NAA25: variants seen among roughly 807,000 people sequenced by gnomAD.
NAA25 encodes the protein N-terminal acetyltransferase B complex subunit NAA25.
A neutral mutation model predicts 132.5 loss-of-function variants in NAA25; 30 were observed. That is an observed-to-expected ratio of 0.23 (90% CI 0.17 to 0.31). The LOEUF (loss-of-function observed/expected upper bound fraction) is 0.31, where lower values mean the gene tolerates loss of function less well. Ranked by LOEUF, NAA25 falls within the 10% of genes least tolerant of loss-of-function variation. The pLI is 1.00. For missense variants in NAA25, 771 were observed against 1,150.4 expected (o/e 0.67, Z 4.77); for synonymous variants, 359 against 401.9 (o/e 0.89, Z 1.28).
intron 19 of NAA25, 130 bp downstream of exon 19, chr12:112,042,958 C>T (rs1375373179): frequency 1.3e-6 from 1 of 799,058 alleles, no homozygotes; most frequent in Non-Finnish European, 1.9e-6. Flanking sequence ...TACACTACAC[C>T]ACACATTTGC....
chr12:112,082,866 G>A (rs1406082825), intron 4 of NAA25, among the ~76,000 whole-genome samples: 1 of 152,038 alleles, frequency 6.6e-6, no homozygotes, highest in African/African-American at 2.4e-5. Flanking sequence ...ATGTATCAAC[G>A]CGAAGTAGGA....
chr12:112,101,823 T>C (rs1047132412), intron 1 of NAA25, among the ~76,000 whole-genome samples: 6 of 151,688 alleles, frequency 4.0e-5, no homozygotes, highest in Non-Finnish European at 7.4e-5. Context: ...GAACCAGTGA[T>C]TAGTGATGGC....
intron 1 of NAA25, among the ~76,000 whole-genome samples, chr12:112,102,123 G>A (rs1033045501): frequency 7.2e-5 from 11 of 151,932 alleles, no homozygotes; most frequent in Admixed American, 5.2e-4. Flanking sequence ...CCCAGGAGGC[G>A]GAGGTTGCAG....
chr12:112,047,648 G>A lies in NAA25; in HGVS notation c.2006+17C>T. 1 of 1,606,050 alleles carries A rather than the reference G, an allele frequency of 6.2e-7. No homozygotes were observed. The highest frequency in any genetic ancestry group is 8.5e-7 in the Non-Finnish European group (1 of 1,177,924). ...AACAAAAACTTTAAAAATTGCTTGG[G>A]GTTAAATTCCAGTTACCTGTCTTTT... On this transcript the variant is annotated intron_variant, in intron 17 of 23. Transcript: ENST00000261745.
chr12:112,042,937 G>A, intron 19 of NAA25, 151 bp downstream of exon 19: 1 of 587,006 alleles, frequency 1.7e-6, no homozygotes, highest in Non-Finnish European at 2.8e-6. Flanking sequence ...ACCTACGACT[G>A]TACCCTCTCA....
chr12:112,069,171 T>TC, intron 10 of NAA25, 179 bp from the exon 11 acceptor site: 2 of 550,014 alleles, frequency 3.6e-6, no homozygotes, highest in South Asian at 2.1e-5. Context: ...ATTGTTCTAC[T>TC]CTTTCCCCCT....
At chr12:112,086,051 A>AATAT (rs1555238696) in intron 4 of NAA25, among the ~76,000 whole-genome samples, 13,346 of 37,216 alleles carry the variant, frequency 0.36, 2,682 homozygotes, top group Non-Finnish European at 0.4. Flanking sequence ...AAAAAAAAAA[A>AATAT]ATATATATAT....
intron 1 of NAA25, among the ~76,000 whole-genome samples, chr12:112,106,675 G>C (rs1244649474): frequency 1.3e-5 from 2 of 151,636 alleles, no homozygotes; most frequent in Non-Finnish European, 2.9e-5. Context: ...GGTGAGCCTG[G>C]GCCAGGCACA....
chr12:112,041,727 CTA>C (rs1479323611), intron 20 of NAA25, among the ~76,000 whole-genome samples: 1 of 151,962 alleles, frequency 6.6e-6, no homozygotes, highest in Admixed American at 6.6e-5. Flanking sequence ...TAATACAATA[CTA>C]TAGAATATTA....
chr12:112,104,669 T>C (rs2079336701), intron 1 of NAA25, among the ~76,000 whole-genome samples: 1 of 151,952 alleles, frequency 6.6e-6, no homozygotes, highest in African/African-American at 2.4e-5. Flanking sequence ...ATCCTGTCTC[T>C]ACTAAAAATA....
At chr12:112,078,559 T>C in intron 6 of NAA25, 75 bp downstream of exon 6, 3 of 1,314,360 alleles carry the variant, frequency 2.3e-6, no homozygotes, top group Non-Finnish European at 3.3e-6. Flanking sequence ...AAAACAACAG[T>C]TCATAGTATT....
chr12:112,092,054 C>A (rs1403480518), intron 2 of NAA25, among the ~76,000 whole-genome samples: 1 of 152,002 alleles, frequency 6.6e-6, no homozygotes, highest in African/African-American at 2.4e-5. Flanking sequence ...TCCTGGCTAA[C>A]ACGGTGAAAC....
At chr12:112,066,104 G>A (rs902279453) in intron 11 of NAA25, among the ~76,000 whole-genome samples, 1 of 152,080 alleles carries the variant, frequency 6.6e-6, no homozygotes, top group Non-Finnish European at 1.5e-5. Context: ...TTACTATGTG[G>A]GATCACATGA....
chr12:112,069,216 A>T (rs747427797), intron 10 of NAA25: 35 of 434,154 alleles, frequency 8.1e-5, no homozygotes, highest in Non-Finnish European at 1.3e-4. Context: ...TTTAAAAGAT[A>T]AAAAAATAGG....
intron 17 of NAA25, among the ~76,000 whole-genome samples, chr12:112,045,390 G>A (rs1225117469): frequency 6.6e-6 from 1 of 151,932 alleles, no homozygotes; most frequent in Admixed American, 6.6e-5. Context: ...CTGAGGCTAA[G>A]GCAGGAGAAT....
Position 112,043,823 on chromosome 12 carries a change from G to A in NAA25, c.2052C>T (p.Thr684=). The A allele has an allele frequency of 1.9e-6, 3 of 1,613,952 alleles. No homozygotes were observed. The highest frequency in any genetic ancestry group is 2.2e-5 in the South Asian group (2 of 91,074). ...EHKKLSLEEE[T]LWLRIRSLTL... The stretch of plus-strand genomic sequence containing the variant: ...TTAAGGATCGGATTCTTAACCACAA[G>A]GTCTCCTCCTCTAAGGAAAGTTTCT... Residue 684 remains threonine, a synonymous_variant, in exon 18 of 24, where the codon ACC becomes ACT. Coordinates refer to ENST00000261745, the MANE Select transcript of NAA25 (RefSeq NM_024953.4).
At chr12:112,082,332 G>A (rs967700171) in intron 4 of NAA25, among the ~76,000 whole-genome samples, 4 of 152,140 alleles carry the variant, frequency 2.6e-5, no homozygotes, top group Non-Finnish European at 4.4e-5. Context: ...ACTTTGGGAG[G>A]TTGAGACAGG....
chr12:112,092,958 G>A (rs1446905745), intron 2 of NAA25, 93 bp downstream of exon 2: 1 of 848,450 alleles, frequency 1.2e-6, no homozygotes, highest in Non-Finnish European at 1.8e-6. Context: ...TTACAGGCTT[G>A]AGCCACCATG....
At position 112,028,767 on chromosome 12, in the gene NAA25, C is replaced by A. The variant is rs2078113632; in HGVS notation, c.*764G>T. The A allele has an allele frequency of 6.6e-6, 1 of 152,142 alleles. No homozygotes were observed. Among genetic ancestry groups the A allele is most frequent in the South Asian group, 2.1e-4 (1 of 4,828 alleles). 9.4% of individuals were successfully genotyped at this position (152,142 alleles called of 1,614,324 possible). A position where few individuals can be genotyped will look rare whatever the true frequency, so the allele number is the denominator to read the frequency against. On this transcript the variant is annotated 3_prime_UTR_variant, in exon 24 of 24. Transcript: ENST00000261745. ...TCCCAAATGTATGAAAGACAGAAAGCTAGTCCTCAGCGGGCTTAATAAGTG... is the reference window on the plus strand; with the variant it reads ...TCCCAAATGTATGAAAGACAGAAAGATAGTCCTCAGCGGGCTTAATAAGTG...
Sources: allele counts gnomAD v4.1 joint callset (sites outside exome capture counted in the v4.1 genomes callset), GRCh38; gene constraint gnomAD v4.1.1; transcripts MANE v1.5; gene names NCBI Gene and HGNC (gene_info 2026-07-23, HGNC 2026-07-21).